The following MYT1L variants were observed in gnomAD, a reference collection of about 807,000 sequenced individuals.
MYT1L encodes the protein myelin transcription factor 1-like protein.
Under a neutral mutation model 126.7 loss-of-function variants are expected in MYT1L, and 12 were observed. The ratio of observed to expected loss-of-function variants is 0.09; its 90% CI spans 0.06 to 0.15. MYT1L has a LOEUF of 0.15. Ranked by LOEUF, MYT1L falls within the 10% of genes least tolerant of loss-of-function variation. MYT1L has a pLI of 1.00. For synonymous variants in MYT1L, 541 were observed against 604.2 expected, an observed-to-expected ratio of 0.90 and a Z score of 1.53; for missense variants, 979 against 1,585.2, an observed-to-expected ratio of 0.62 and a Z score of 6.49.
Position 2,256,105 on chromosome 2 carries a change from C to G in MYT1L, c.-421+28299G>C, listed in dbSNP as rs537001551. Among the ~76,000 whole-genome samples, 5 of 152,270 alleles carry G rather than the reference C, an allele frequency of 3.3e-5. No homozygotes were observed. In the East Asian group the frequency reaches 7.7e-4, roughly 24 times the overall value. ...AATCACCTCTGTAACCATCTTCACT[C>G]GCGTCGGGCCAAAACAAGACCCCCG... On this transcript the variant is annotated intron_variant, in intron 2 of 24. Coordinates refer to ENST00000647738, the MANE Select transcript of MYT1L (RefSeq NM_001303052.2).
rs974094860 is a variant in MYT1L, at chr2:1,892,223, G to A, written c.2097C>T (p.Ser699=). The A allele has an allele frequency of 4.5e-6, 7 of 1,550,136 alleles. No individual in the cohort carries two copies. The highest frequency in any genetic ancestry group is 2.0e-5 in the Admixed American group (1 of 50,962). Residue 699 remains serine (S), a synonymous_variant, in exon 15 of 25, where the codon AGC becomes AGT. Transcript: ENST00000647738. ...CCCCGCCGCAGCTCAGGTTGCTGCTGCTGCTGGGCGCGTAGCTGCTGGTGC... is the reference window on the plus strand; with the variant it reads ...CCCCGCCGCAGCTCAGGTTGCTGCTACTGCTGGGCGCGTAGCTGCTGGTGC... ...SSSTSSYAPS[S]SSNLSCGGGS...
At chr2:2,114,206 T>C (rs891213098) in intron 3 of MYT1L, among the ~76,000 whole-genome samples, 3 of 152,246 alleles carry the variant, frequency 2.0e-5, no homozygotes, top group Admixed American at 6.5e-5. Flanking sequence ...CTTCAAAATG[T>C]GGTGCTATTT....
chr2:2,164,746 G>A (rs1314467266), intron 3 of MYT1L, among the ~76,000 whole-genome samples: 3 of 152,198 alleles, frequency 2.0e-5, no homozygotes, highest in Middle Eastern at 3.2e-3. Context: ...GTCAACAGAC[G>A]ATAGACATGG....
chr2:2,146,817 G>C (rs920677739), intron 3 of MYT1L, among the ~76,000 whole-genome samples: 1 of 152,174 alleles, frequency 6.6e-6, no homozygotes, highest in Non-Finnish European at 1.5e-5. Context: ...ACTTTACAAT[G>C]CATCTCCTTT....
At position 1,894,057 on chromosome 2, in the gene MYT1L, G is replaced by A. The variant is rs550520482; in HGVS notation, c.2033-1770C>T. On this transcript the variant is annotated intron_variant, in intron 14 of 24. Coordinates refer to ENST00000647738, the MANE Select transcript of MYT1L (RefSeq NM_001303052.2). ...GTGCATGAGCCAGAGGCTCAAATCC[G>A]CACCCACAAAACCCATGAAATACAA... 2.6e-5 allele frequency among the ~76,000 whole-genome samples: 4 copies of A among 152,290 alleles called. No homozygotes were observed. The South Asian group carries it at 6.2e-4, about 24-fold the overall frequency.
intron 2 of MYT1L, among the ~76,000 whole-genome samples, chr2:2,237,902 C>T (rs572618250): frequency 5.3e-5 from 8 of 152,238 alleles, no homozygotes; most frequent in Admixed American, 1.3e-4. Context: ...CAACTCCCCT[C>T]GCCACACCTT....
intron 11 of MYT1L, among the ~76,000 whole-genome samples, chr2:1,915,735 C>T (rs150601924): frequency 1.1e-4 from 16 of 152,246 alleles, no homozygotes; most frequent in Middle Eastern, 3.4e-3. Context: ...CAGTCGGATA[C>T]GGATTTACAT....
intron 3 of MYT1L, among the ~76,000 whole-genome samples, chr2:2,079,456 T>C (rs1345236811): frequency 6.6e-6 from 1 of 152,232 alleles, no homozygotes; most frequent in African/African-American, 2.4e-5. Flanking sequence ...TATTTTTCAA[T>C]GAAATTGCTA....
chr2:2,024,756 A>G (rs576171194), intron 4 of MYT1L, among the ~76,000 whole-genome samples: 19 of 152,312 alleles, frequency 1.2e-4, no homozygotes, highest in Admixed American at 2.6e-4. Context: ...GCCGCAGTCC[A>G]CCAATTCTGA....
chr2:1,878,757 A>G (rs116235008), intron 18 of MYT1L, among the ~76,000 whole-genome samples: 1,676 of 152,290 alleles, frequency 0.011, 15 homozygotes, highest in Admixed American at 0.023. Context: ...TTTTATTTTA[A>G]TTATTAGAAA....
intron 4 of MYT1L, among the ~76,000 whole-genome samples, chr2:1,998,882 C>A (rs1167828102): frequency 6.6e-6 from 1 of 151,558 alleles, no homozygotes; most frequent in Non-Finnish European, 1.5e-5. Flanking sequence ...CATGGATTCA[C>A]TGGGGGAAAA....
intron 4 of MYT1L, among the ~76,000 whole-genome samples, 193 bp downstream of exon 4, chr2:2,053,785 G>A (rs1233729643): frequency 2.0e-5 from 3 of 152,194 alleles, no homozygotes; most frequent in Admixed American, 6.5e-5. Context: ...TTTACCAAGA[G>A]ATTACACATT....
intron 3 of MYT1L, among the ~76,000 whole-genome samples, chr2:2,119,195 A>T (rs2080630539): frequency 2.0e-5 from 3 of 152,282 alleles, no homozygotes; most frequent in Non-Finnish European, 4.4e-5. Context: ...GCCAAAAAAA[A>T]TTAGAAAAAT....
At chr2:2,329,697 C>A (rs1573638562) in intron 1 of MYT1L, among the ~76,000 whole-genome samples, 1 of 152,048 alleles carries the variant, frequency 6.6e-6, no homozygotes, top group Non-Finnish European at 1.5e-5. Flanking sequence ...TTTCAAAGTG[C>A]AATCAAGTAA....
In MYT1L at chr2:1,902,981, A is replaced by G. The variant is rs1430359726; in HGVS notation, c.2032+99T>C. 3.5e-6 allele frequency: 4 copies of G among 1,130,958 alleles called. No individual in the cohort carries two copies. In the South Asian group the frequency reaches 5.5e-5, roughly 16 times the overall value. 70.1% of individuals were successfully genotyped at this position (1,130,958 alleles called of 1,614,324 possible). ...CTGTTCTTTTGGTACCCATTGAGTG[A>G]CCACCACCGCTCAACTAATTTGTAG... is the stretch of plus-strand genomic sequence containing the variant. On this transcript the variant is annotated intron_variant, in intron 14 of 24. Coordinates refer to ENST00000647738, the MANE Select transcript of MYT1L (RefSeq NM_001303052.2).
chr2:2,120,127 C>T (rs1019465839), intron 3 of MYT1L, among the ~76,000 whole-genome samples: 25 of 152,118 alleles, frequency 1.6e-4, no homozygotes, highest in Non-Finnish European at 2.5e-4. Context: ...TCTAGATCGC[C>T]GGCATGCCTC....
rs1257563938 is a variant in MYT1L at position 1,912,540 on chromosome 2, AGGCT to A, written c.1619-434_1619-431del. The stretch of plus-strand genomic sequence containing the variant: ...ATTGATTAGCCATAGAACAACACAG[AGGCT>A]GGGGATTTTAAAAACATGCCTGTGC... On this transcript the variant is annotated intron_variant, in intron 11 of 24. Coordinates refer to ENST00000647738, the MANE Select transcript of MYT1L (RefSeq NM_001303052.2). The surrounding 1 kb of genome is among the most constrained non-coding windows in gnomAD (Gnocchi z 4.3). Among the ~76,000 whole-genome samples the A allele has an allele frequency of 6.6e-6, 1 of 152,180 alleles. No homozygotes were observed. Among genetic ancestry groups the A allele is most frequent in the Non-Finnish European group, 1.5e-5 (1 of 68,028 alleles).
chr2:2,233,016 G>A (rs1017127517), intron 2 of MYT1L, among the ~76,000 whole-genome samples: 24 of 152,168 alleles, frequency 1.6e-4, no homozygotes, highest in African/African-American at 5.5e-4. Flanking sequence ...ATGTAAAAAC[G>A]TTCAGGAAGC....
At chr2:2,284,958 C>T (rs181847060) in intron 1 of MYT1L, among the ~76,000 whole-genome samples, 182 of 152,236 alleles carry the variant, frequency 1.2e-3, no homozygotes, top group Middle Eastern at 6.8e-3. Flanking sequence ...CCTCGGGATC[C>T]GCCCACCTTA....
Sources: allele counts gnomAD v4.1 joint callset (sites outside exome capture counted in the v4.1 genomes callset), GRCh38; gene constraint gnomAD v4.1.1; non-coding constraint Gnocchi (gnomAD v3.1); transcripts MANE v1.5; gene names NCBI Gene and HGNC (gene_info 2026-07-23, HGNC 2026-07-21).